Variants in TRIM69 observed in about 807,000 individuals in gnomAD.
TRIM69 encodes E3 ubiquitin-protein ligase TRIM69.
A neutral mutation model predicts 37.7 loss-of-function variants in TRIM69; 29 were observed. That is an observed-to-expected ratio of 0.77 (90% confidence interval 0.57 to 1.05). The LOEUF is 1.05. Among genes scored for constraint, TRIM69 ranks in the 50% least tolerant of loss-of-function variants. The pLI is 0.00. For synonymous variants in TRIM69, 209 were observed against 212.4 expected, an observed-to-expected ratio of 0.98 and a Z score of 0.14; for missense variants, 596 against 579.9, an observed-to-expected ratio of 1.03 and a Z score of -0.28.
At chr15:44,755,495 T>C (rs2087628057) in intron 2 of TRIM69, 119 bp downstream of exon 2, 1 of 775,858 alleles carries the variant, frequency 1.3e-6, no homozygotes, top group Non-Finnish European at 2.1e-6. Flanking sequence ...AAGCCCAGAC[T>C]GCTCAGAAAG....
At chr15:44,755,722 G>A (rs1596029169) in intron 2 of TRIM69, among the ~76,000 whole-genome samples, 1 of 152,144 alleles carries the variant, frequency 6.6e-6, no homozygotes, top group South Asian at 2.1e-4. Flanking sequence ...AACAACAGAA[G>A]CAATATTAAG....
At chr15:44,739,432 C>T (rs1215408527) in intron 1 of TRIM69, among the ~76,000 whole-genome samples, 2 of 152,234 alleles carry the variant, frequency 1.3e-5, no homozygotes, top group East Asian at 3.9e-4. Context: ...GAGGCATTGC[C>T]TCACTCGGGA....
rs937330618 is a variant in TRIM69, at chr15:44,746,060, G to C, written c.7-8840G>C. Among the ~76,000 whole-genome samples the C allele has an allele frequency of 7.3e-4, 27 of 37,002 alleles. 1 individual carries two copies. Among genetic ancestry groups the C allele is most frequent in the African/African-American group, 1.8e-3 (27 of 14,946 alleles). The allele number at this position is 37,002 out of a possible 152,430, so 24.3% of individuals were successfully genotyped here. ...AACAAACTCTATGTAAGTTAACAGA[G>C]AGCCACACCAAGTTATAATTAAACT... On this transcript the variant is annotated intron_variant, in intron 1 of 6. Coordinates refer to ENST00000329464, the MANE Select transcript of TRIM69 (RefSeq NM_182985.5).
intron 4 of TRIM69, 136 bp from the exon 5 acceptor site, chr15:44,759,504 G>A (rs976966606): frequency 1.2e-6 from 1 of 817,028 alleles, no homozygotes; most frequent in Non-Finnish European, 2.0e-6. Flanking sequence ...TAGAAAAAGT[G>A]TATGAAGGAT....
chr15:44,744,882 A>G (rs976074979), intron 1 of TRIM69, among the ~76,000 whole-genome samples: 1 of 152,152 alleles, frequency 6.6e-6, no homozygotes, highest in African/African-American at 2.4e-5. Flanking sequence ...GGAAACATTT[A>G]AAAGCAAATG....
At position 44,767,500 on chromosome 15, in the gene TRIM69, C is replaced by T. The variant is rs1275101373; in HGVS notation, c.1231C>T (p.Gln411Ter). Residue 411 changes from glutamine to a stop codon, truncating the protein, a stop_gained, in exon 7 of 7, where the codon CAA (glutamine) becomes TAA (stop). Coordinates refer to ENST00000329464, the MANE Select transcript of TRIM69 (RefSeq NM_182985.5). LOFTEE classifies it high-confidence loss of function. ...RKGSCPLTPEQGFWLLRLRNQ... is the reference protein window; with the variant it reads ...RKGSCPLTPE Reference sequence around the variant, plus strand: ...GGGCAGCTGTCCTCTAACTCCTGAGCAAGGATTCTGGCTTTTAAGACTAAG... The same window carrying T: ...GGGCAGCTGTCCTCTAACTCCTGAGTAAGGATTCTGGCTTTTAAGACTAAG... 15 of 1,614,170 alleles carry T rather than the reference C, an allele frequency of 9.3e-6. No homozygotes were observed. The highest frequency in any genetic ancestry group is 2.7e-5 in the African/African-American group (2 of 75,038).
chr15:44,763,632 A>AT (rs1281266003), intron 6 of TRIM69, among the ~76,000 whole-genome samples: 1 of 152,000 alleles, frequency 6.6e-6, no homozygotes, highest in Non-Finnish European at 1.5e-5. Flanking sequence ...CTGGTTGGTA[A>AT]TTTTTTACTG....
chr15:44,767,156 T>G, intron 6 of TRIM69, 75 bp from the exon 7 acceptor site: 1 of 1,211,604 alleles, frequency 8.3e-7, no homozygotes, highest in Non-Finnish European at 1.2e-6. Flanking sequence ...GAATATGAAA[T>G]ACTATCTTTT....
intron 6 of TRIM69, among the ~76,000 whole-genome samples, chr15:44,765,871 A>G (rs2087877911): frequency 6.6e-6 from 1 of 152,230 alleles, no homozygotes; most frequent in South Asian, 2.1e-4. Context: ...GCATACATGT[A>G]TCTGTGTCCA....
chr15:44,756,609 G>A, intron 3 of TRIM69, 146 bp downstream of exon 3: 1 of 585,220 alleles, frequency 1.7e-6, no homozygotes, highest in Non-Finnish European at 3.0e-6. Context: ...GAGTCTGTAG[G>A]GTGGAAAGGA....
rs2087729858 is a variant in TRIM69 at position 44,759,628 on chromosome 15, C to G, written c.814-12C>G. The G allele has an allele frequency of 1.2e-6, 2 of 1,613,450 alleles. No homozygotes were observed. The highest frequency in any genetic ancestry group is 4.5e-5 in the East Asian group (2 of 44,884). On this transcript the variant is annotated splice_polypyrimidine_tract_variant and intron_variant, in intron 4 of 6. Coordinates refer to ENST00000329464, the MANE Select transcript of TRIM69 (RefSeq NM_182985.5). Reference sequence around the variant, plus strand: ...ACGGGCATCTGATGTCTCTCTTTCTCCTTTCTTCTAGGACATCACAACTCT... The same window carrying G: ...ACGGGCATCTGATGTCTCTCTTTCTGCTTTCTTCTAGGACATCACAACTCT...
At chr15:44,750,784 G>GC (rs1189940373) in intron 1 of TRIM69, among the ~76,000 whole-genome samples, 1 of 140,542 alleles carries the variant, frequency 7.1e-6, no homozygotes, top group Non-Finnish European at 1.5e-5. Flanking sequence ...GAGTGCAGTG[G>GC]CGCGATCTTG....
intron 1 of TRIM69, among the ~76,000 whole-genome samples, chr15:44,739,637 A>T (rs1389825456): frequency 6.6e-6 from 1 of 152,194 alleles, no homozygotes; most frequent in Non-Finnish European, 1.5e-5. Context: ...CTAGCACAGC[A>T]GTCTGAGATC....
chr15:44,750,657 T>C (rs4536441), intron 1 of TRIM69, among the ~76,000 whole-genome samples: 115,900 of 149,292 alleles, frequency 0.78, 45,734 homozygotes, highest in Middle Eastern at 0.85. Context: ...TACTTAATGG[T>C]TTCTAAATTT....
At chr15:44,745,771 G>A (rs1024700269) in intron 1 of TRIM69, among the ~76,000 whole-genome samples, 1 of 152,018 alleles carries the variant, frequency 6.6e-6, no homozygotes, top group African/African-American at 2.4e-5. Flanking sequence ...TGAGAAATTC[G>A]CAAGAAGTGT....
intron 4 of TRIM69, 101 bp downstream of exon 4, chr15:44,758,955 A>T (rs2087714026): frequency 7.6e-7 from 1 of 1,316,506 alleles, no homozygotes. Flanking sequence ...CAGGGAAAAC[A>T]AAACAAAACA....
At chr15:44,744,941 T>A (rs1370686793) in intron 1 of TRIM69, among the ~76,000 whole-genome samples, 1 of 151,736 alleles carries the variant, frequency 6.6e-6, no homozygotes, top group African/African-American at 2.4e-5. Flanking sequence ...GGGCAAACAA[T>A]AGAGTAACCA....
At chr15:44,743,490 T>C (rs1477173032) in intron 1 of TRIM69, among the ~76,000 whole-genome samples, 2 of 152,188 alleles carry the variant, frequency 1.3e-5, no homozygotes, top group Non-Finnish European at 2.9e-5. Context: ...AAAGAGCTTC[T>C]GCACAGCAAA....
At chr15:44,737,223 T>C (rs2087181030) in intron 1 of TRIM69, among the ~76,000 whole-genome samples, 1 of 152,216 alleles carries the variant, frequency 6.6e-6, no homozygotes, top group Non-Finnish European at 1.5e-5. Context: ...CATGAAAGCT[T>C]GAAAAACTCA....
Sources: allele counts gnomAD v4.1 joint callset (sites outside exome capture counted in the v4.1 genomes callset), GRCh38; gene constraint gnomAD v4.1.1; transcripts MANE v1.5; gene names NCBI Gene and HGNC (gene_info 2026-07-23, HGNC 2026-07-21).